HDAC9: variants seen among roughly 807,000 people sequenced by gnomAD.
HDAC9 encodes histone deacetylase 9, also known as MEF-2 interacting transcription repressor (MITR) protein.
Under a neutral mutation model 139.4 loss-of-function variants are expected in HDAC9, and 41 were observed. The observed-to-expected ratio is 0.29, with a 90% confidence interval of 0.23 to 0.38. The LOEUF is 0.38. Ranked by LOEUF, HDAC9 falls within the 10% of genes least tolerant of loss-of-function variation. The probability of loss-of-function intolerance (pLI) is 1.00; values close to 1 mark genes in which losing one functional copy is unlikely to be tolerated. For synonymous variants in HDAC9, 517 were observed against 476.2 expected (o/e 1.09, Z -1.12); for missense variants, 1,147 against 1,297.0 (o/e 0.88, Z 1.78).
At chr7:18,702,406 G>A (rs948141801) in intron 12 of HDAC9, among the ~76,000 whole-genome samples, 2 of 152,216 alleles carry the variant, frequency 1.3e-5, no homozygotes, top group Admixed American at 6.5e-5. Flanking sequence ...GAGAGTGGAT[G>A]GAGTGAGGAG....
intron 1 of HDAC9, among the ~76,000 whole-genome samples, chr7:18,145,287 G>T (rs1786225714): frequency 6.6e-6 from 1 of 152,178 alleles, no homozygotes; most frequent in African/African-American, 2.4e-5. Context: ...CACTCAATAA[G>T]AAGCAATGAA....
intron 2 of HDAC9, among the ~76,000 whole-genome samples, chr7:18,215,522 A>C (rs960530557): frequency 2.6e-5 from 4 of 152,156 alleles, no homozygotes; most frequent in African/African-American, 9.7e-5. Flanking sequence ...TACCATGTGA[A>C]GGATTGGTAG....
intron 21 of HDAC9, among the ~76,000 whole-genome samples, chr7:18,872,496 T>A (rs538198124): frequency 6.6e-6 from 1 of 152,254 alleles, no homozygotes; most frequent in South Asian, 2.1e-4. Context: ...TAAAGGTGAA[T>A]GGGGCTTTTT....
intron 25 of HDAC9, among the ~76,000 whole-genome samples, chr7:18,990,361 TGGGTCAG>T (rs1001125272): frequency 1.3e-5 from 2 of 152,192 alleles, no homozygotes; most frequent in Admixed American, 1.3e-4. Flanking sequence ...AGGCTGCTCG[TGGGTCAG>T]GGGTCAGGGA....
intron 2 of HDAC9, among the ~76,000 whole-genome samples, chr7:18,246,126 T>A (rs1794508129): frequency 6.8e-6 from 1 of 146,364 alleles, no homozygotes; most frequent in African/African-American, 2.6e-5. Flanking sequence ...TTATCTAGTA[T>A]GCTAGGAAAT....
intron 17 of HDAC9, among the ~76,000 whole-genome samples, chr7:18,814,324 A>C (rs1794407262): frequency 4.6e-5 from 7 of 152,244 alleles, no homozygotes; most frequent in Admixed American, 4.6e-4. Context: ...TAAAATATAG[A>C]ACAAATAAAT....
intron 1 of HDAC9, among the ~76,000 whole-genome samples, chr7:18,126,783 T>G (rs1228751103): frequency 1.3e-5 from 2 of 152,154 alleles, no homozygotes; most frequent in Non-Finnish European, 2.9e-5. Flanking sequence ...GCTCTAAACA[T>G]TTTCCCCAAA....
rs779757874 is a variant in HDAC9, at chr7:18,835,632, G to A, written c.2586+46G>A. ...GCCCCACTTTTATTTGTATCTTTCA[G>A]GTAATTGCATTGCATGATTACCCCT... On this transcript the variant is annotated intron_variant, in intron 20 of 25. Transcript: ENST00000686413. 5 of 1,610,578 alleles carry A rather than the reference G, an allele frequency of 3.1e-6. No homozygotes were observed. The South Asian group carries it at 4.4e-5, about 14-fold the overall frequency.
intron 12 of HDAC9, among the ~76,000 whole-genome samples, chr7:18,720,612 C>A (rs999783091): frequency 1.3e-5 from 2 of 149,024 alleles, no homozygotes; most frequent in African/African-American, 5.0e-5. Context: ...AGTAAATTCA[C>A]ATACTTTACC....
intron 17 of HDAC9, among the ~76,000 whole-genome samples, chr7:18,828,622 T>C (rs1208666847): frequency 6.6e-6 from 1 of 152,182 alleles, no homozygotes. Context: ...GGGCTTTCCA[T>C]TGTTCTCTTT....
chr7:18,332,551 T>G (rs1801011541), intron 1 of HDAC9, among the ~76,000 whole-genome samples: 1 of 151,582 alleles, frequency 6.6e-6, no homozygotes, highest in Admixed American at 6.6e-5. Context: ...GGGGATGCAT[T>G]GGAAGGGAGC....
At chr7:18,315,830 A>G (rs1453063482) in intron 1 of HDAC9, among the ~76,000 whole-genome samples, 1 of 152,212 alleles carries the variant, frequency 6.6e-6, no homozygotes, top group Non-Finnish European at 1.5e-5. Flanking sequence ...CACAGATCAC[A>G]AGAGAGCCAG....
At chr7:18,391,534 A>G (rs1786488491) in intron 1 of HDAC9, among the ~76,000 whole-genome samples, 1 of 152,226 alleles carries the variant, frequency 6.6e-6, no homozygotes, top group African/African-American at 2.4e-5. Flanking sequence ...TAAACCTTGC[A>G]TAGCCTTCAC....
intron 12 of HDAC9, among the ~76,000 whole-genome samples, chr7:18,699,342 G>T (rs1164300742): frequency 6.6e-6 from 1 of 151,996 alleles, no homozygotes; most frequent in African/African-American, 2.4e-5. Flanking sequence ...AGCAGTGTGG[G>T]CAGGGGAGTC....
chr7:18,350,232 C>T (rs1782747582), intron 1 of HDAC9, among the ~76,000 whole-genome samples: 1 of 152,110 alleles, frequency 6.6e-6, no homozygotes, highest in African/African-American at 2.4e-5. Flanking sequence ...ATTTCATTGA[C>T]TCTCAAGTAA....
intron 6 of HDAC9, among the ~76,000 whole-genome samples, chr7:18,603,606 A>T (rs1381558985): frequency 6.6e-6 from 1 of 151,944 alleles, no homozygotes; most frequent in Non-Finnish European, 1.5e-5. Context: ...TTTATTCTTT[A>T]TATTGCTGTC....
rs146697345 is a variant in HDAC9 at position 18,257,175 on chromosome 7, T to C, written c.25+94826T>C. Among the ~76,000 whole-genome samples, 513 of 147,678 alleles carry C rather than the reference T, an allele frequency of 3.5e-3. 5 individuals are homozygous for C. The highest frequency in any genetic ancestry group is 0.028 in the Middle Eastern group (8 of 286). On this transcript the variant is annotated intron_variant, in intron 2 of 12. Transcript: ENST00000417496. ...ATATATAAATGTAACAAAACAAAAA[T>C]AAGAGAAGAAAACATTGGGTCAGGT...
intron 1 of HDAC9, among the ~76,000 whole-genome samples, chr7:18,360,475 C>A (rs1783690044): frequency 6.6e-6 from 1 of 152,150 alleles, no homozygotes; most frequent in African/African-American, 2.4e-5. Flanking sequence ...TTCTGAACAT[C>A]TCTTTAGCCA....
rs140084372 is a variant in HDAC9 at position 18,138,253 on chromosome 7, C to T, written c.-96-23976C>T. On this transcript the variant is annotated intron_variant, in intron 1 of 12. Coordinates refer to the HDAC9 transcript ENST00000417496. ...CAATTTTGTTGATCCTTTCAAAAAA[C>T]CAGCTCCTGGATTCATTCTTTGTAA... Among the ~76,000 whole-genome samples the T allele has an allele frequency of 1.5e-3, 223 of 152,102 alleles. 1 individual carries two copies. The highest frequency in any genetic ancestry group is 2.0e-3 in the Non-Finnish European group (136 of 67,996).
Sources: gnomAD v4.1 joint callset for allele counts (sites outside exome capture counted in the v4.1 genomes callset) on GRCh38, gnomAD v4.1.1 for gene constraint, MANE v1.5 for transcripts, NCBI Gene and HGNC (gene_info 2026-07-23, HGNC 2026-07-21) for gene names.